Variants in ZMYND8 observed in about 807,000 individuals in gnomAD.
ZMYND8 encodes MYND-type zinc finger-containing chromatin reader ZMYND8.
ZMYND8 carries 37 observed loss-of-function variants against 140.8 expected under a neutral mutation model. The ratio of observed to expected loss-of-function variants is 0.26; its 90% CI spans 0.20 to 0.35. ZMYND8 has a LOEUF of 0.35. Among genes scored for constraint, ZMYND8 ranks in the 10% least tolerant of loss-of-function variants. The pLI, the probability that ZMYND8 is intolerant of heterozygous loss-of-function variation, is 1.00. For synonymous variants in ZMYND8, 592 were observed against 597.1 expected (o/e 0.99, Z 0.12); for missense variants, 1,068 against 1,570.0 (o/e 0.68, Z 5.40).
intron 2 of ZMYND8, among the ~76,000 whole-genome samples, chr20:47,328,649 A>G (rs1314564373): frequency 6.6e-6 from 1 of 152,074 alleles, no homozygotes; most frequent in Non-Finnish European, 1.5e-5. Context: ...TTTTTAGTAG[A>G]GACAGGGTTT....
At chr20:47,325,376 A>C (rs2080327237) in intron 2 of ZMYND8, among the ~76,000 whole-genome samples, 1 of 152,068 alleles carries the variant, frequency 6.6e-6, no homozygotes, top group Non-Finnish European at 1.5e-5. Context: ...TATCAGACCG[A>C]CTAACTGAGC....
intron 11 of ZMYND8, among the ~76,000 whole-genome samples, chr20:47,270,937 C>T (rs1212497634): frequency 6.6e-6 from 1 of 151,742 alleles, no homozygotes; most frequent in Admixed American, 6.6e-5. Flanking sequence ...ATTAGCCGGG[C>T]GTGGCGGCAG....
chr20:47,238,244 A>G (rs1283546610), intron 15 of ZMYND8: 1 of 176,236 alleles, frequency 5.7e-6, no homozygotes, highest in Non-Finnish European at 1.2e-5. Flanking sequence ...ATGGACCTCC[A>G]AAACATGCTG....
In ZMYND8 at chr20:47,311,162, A is replaced by C. The variant is rs533797746; in HGVS notation, c.86-958T>G. Among the ~76,000 whole-genome samples the C allele has an allele frequency of 2.4e-3, 360 of 152,238 alleles. 1 individual carries two copies. Among genetic ancestry groups the C allele is most frequent in the African/African-American group, 8.3e-3 (344 of 41,550 alleles). On this transcript the variant is annotated intron_variant, in intron 2 of 22. Coordinates refer to ENST00000471951, the MANE Select transcript of ZMYND8 (RefSeq NM_001281775.3). ...TGTGTGGAAAGAACACACCCCACCC[A>C]CCGGGAAGTTCCCGTGCTCCCACCG...
chr20:47,351,438 T>C (rs554004496), intron 1 of ZMYND8, among the ~76,000 whole-genome samples: 1 of 152,312 alleles, frequency 6.6e-6, no homozygotes, highest in Non-Finnish European at 1.5e-5. Flanking sequence ...CACAAGACTC[T>C]GGTTCTACAG....
intron 2 of ZMYND8, among the ~76,000 whole-genome samples, chr20:47,344,787 T>G (rs1326113206): frequency 1.3e-5 from 2 of 152,196 alleles, no homozygotes; most frequent in Non-Finnish European, 2.9e-5. Flanking sequence ...AATCTAATAC[T>G]ACTGTTAAAT....
intron 2 of ZMYND8, among the ~76,000 whole-genome samples, chr20:47,310,477 C>A (rs1230377556): frequency 6.6e-6 from 1 of 152,076 alleles, no homozygotes; most frequent in Non-Finnish European, 1.5e-5. Context: ...CATGTAATAA[C>A]CTAGATTTTT....
intron 2 of ZMYND8, among the ~76,000 whole-genome samples, chr20:47,314,226 C>G (rs530779927): frequency 1.3e-5 from 2 of 151,694 alleles, no homozygotes; most frequent in African/African-American, 4.8e-5. Context: ...TGGCCAGGTG[C>G]GGTGGCTCAC....
At chr20:47,328,151 G>T (rs528189989) in intron 2 of ZMYND8, among the ~76,000 whole-genome samples, 3 of 152,162 alleles carry the variant, frequency 2.0e-5, no homozygotes, top group African/African-American at 7.2e-5. Flanking sequence ...CTTAAAGGGT[G>T]TAACAGGACA....
chr20:47,290,887 G>A (rs901060263), intron 6 of ZMYND8, among the ~76,000 whole-genome samples: 1 of 151,938 alleles, frequency 6.6e-6, no homozygotes, highest in East Asian at 1.9e-4. Flanking sequence ...CACCGCGCCC[G>A]GCCAAACAGG....
chr20:47,260,735 T>G (rs927295401), intron 12 of ZMYND8, among the ~76,000 whole-genome samples: 1 of 152,186 alleles, frequency 6.6e-6, no homozygotes, highest in African/African-American at 2.4e-5. Context: ...TGGTGTGAAC[T>G]GCCTCTCATG....
intron 17 of ZMYND8, among the ~76,000 whole-genome samples, chr20:47,228,150 A>G (rs963664224): frequency 2.6e-5 from 4 of 152,068 alleles, no homozygotes; most frequent in African/African-American, 9.7e-5. Context: ...TAATTATCGC[A>G]GTAGTTCTTA....
intron 2 of ZMYND8, among the ~76,000 whole-genome samples, chr20:47,322,439 T>TA: frequency 8.4e-6 from 1 of 119,132 alleles, no homozygotes; most frequent in East Asian, 2.1e-4. Context: ...ATGGCATTTC[T>TA]TTTTTTTTTT....
At chr20:47,215,404 T>C (rs1430554725) in intron 21 of ZMYND8, among the ~76,000 whole-genome samples, 1 of 151,974 alleles carries the variant, frequency 6.6e-6, no homozygotes, top group Non-Finnish European at 1.5e-5. Flanking sequence ...TAAATGTCCA[T>C]GACTGTTAAT....
intron 11 of ZMYND8, among the ~76,000 whole-genome samples, chr20:47,270,357 G>C (rs2075835759): frequency 8.3e-6 from 1 of 120,256 alleles, no homozygotes; most frequent in African/African-American, 3.2e-5. Context: ...TGGAAGACAA[G>C]AGTGAAACTC....
At chr20:47,256,996 G>C (rs142967036) in intron 12 of ZMYND8, among the ~76,000 whole-genome samples, 42 of 152,260 alleles carry the variant, frequency 2.8e-4, no homozygotes, top group Admixed American at 6.5e-4. Context: ...ATCAGAGAAA[G>C]CAAACAGGAG....
At chr20:47,243,284 C>CT (rs1037274520) in intron 14 of ZMYND8, among the ~76,000 whole-genome samples, 3 of 152,226 alleles carry the variant, frequency 2.0e-5, no homozygotes, top group African/African-American at 7.2e-5. Flanking sequence ...CTAGCGGAGT[C>CT]TGACACGAGA....
chr20:47,334,721 C>T (rs565190884), intron 2 of ZMYND8, among the ~76,000 whole-genome samples: 181 of 151,896 alleles, frequency 1.2e-3, no homozygotes, highest in African/African-American at 3.5e-3. Context: ...GCAATTCTCC[C>T]GCCTCAGCCT....
chr20:47,328,911 T>A (rs1240854049), intron 2 of ZMYND8, among the ~76,000 whole-genome samples: 2 of 152,200 alleles, frequency 1.3e-5, no homozygotes, highest in African/African-American at 4.8e-5. Flanking sequence ...ATAATTACGG[T>A]AAAGCATGTT....
Sources: allele counts gnomAD v4.1 joint callset (sites outside exome capture counted in the v4.1 genomes callset), GRCh38; gene constraint gnomAD v4.1.1; transcripts MANE v1.5; gene names NCBI Gene and HGNC (gene_info 2026-07-23, HGNC 2026-07-21).